NXPH2: variants seen among roughly 807,000 people sequenced by gnomAD.
NXPH2 encodes the protein neurexophilin-2.
NXPH2 carries 5 observed loss-of-function variants against 19.8 expected under a neutral mutation model. The ratio of observed to expected loss-of-function variants is 0.25; its 90% CI spans 0.13 to 0.53. The LOEUF (loss-of-function observed/expected upper bound fraction) is 0.53. Among genes scored for constraint, NXPH2 ranks in the 20% least tolerant of loss-of-function variants. The pLI is 0.96. For missense variants in NXPH2, 289 were observed against 322.8 expected (o/e 0.90, Z 0.80); for synonymous variants, 154 against 127.4 (o/e 1.21, Z -1.41).
intron 1 of NXPH2, among the ~76,000 whole-genome samples, chr2:138,700,189 T>C (rs1278398414): frequency 6.6e-6 from 1 of 152,202 alleles, no homozygotes; most frequent in Non-Finnish European, 1.5e-5. Context: ...TTATTATCCC[T>C]ACAGCGATGC....
At chr2:138,700,314 A>G (rs62163195) in intron 1 of NXPH2, among the ~76,000 whole-genome samples, 36,975 of 152,112 alleles carry the variant, frequency 0.24, 5,219 homozygotes, top group East Asian at 0.54. Context: ...ATTTAGCACT[A>G]TAAACATTTA....
At chr2:138,755,828 G>A (rs1023695135) in intron 1 of NXPH2, among the ~76,000 whole-genome samples, 1 of 151,862 alleles carries the variant, frequency 6.6e-6, no homozygotes. Context: ...CATTTATTTA[G>A]ATTTTTTTTT....
At chr2:138,719,327 A>T (rs946039084) in intron 1 of NXPH2, among the ~76,000 whole-genome samples, 3 of 152,176 alleles carry the variant, frequency 2.0e-5, no homozygotes, top group African/African-American at 7.2e-5. Context: ...GCATGTATAT[A>T]AGTAAATGCA....
chr2:138,723,278 A>T (rs1226883318), intron 1 of NXPH2, among the ~76,000 whole-genome samples: 3 of 152,228 alleles, frequency 2.0e-5, no homozygotes, highest in Non-Finnish European at 4.4e-5. Context: ...CAGAGGATTT[A>T]GTTCCAGGAG....
intron 1 of NXPH2, among the ~76,000 whole-genome samples, chr2:138,684,778 C>A (rs149714754): frequency 6.6e-6 from 1 of 152,196 alleles, no homozygotes; most frequent in Non-Finnish European, 1.5e-5. Flanking sequence ...CCCTCTTAGC[C>A]CAAGAGTCCC....
chr2:138,680,930 G>T (rs1413522049), intron 1 of NXPH2, among the ~76,000 whole-genome samples: 1 of 152,120 alleles, frequency 6.6e-6, no homozygotes, highest in East Asian at 1.9e-4. Flanking sequence ...CTAACTTGGT[G>T]ACTATTTTCA....
chr2:138,769,653 C>T (rs138789554), intron 1 of NXPH2, among the ~76,000 whole-genome samples: 130 of 152,292 alleles, frequency 8.5e-4, no homozygotes, highest in African/African-American at 3.0e-3. Flanking sequence ...CAATTCCCAC[C>T]ACCCAGCTTA....
chr2:138,707,107 A>AAAAAAAAAAAAAACAAAAAAAAAAC (rs1558918445), intron 1 of NXPH2, among the ~76,000 whole-genome samples: 4 of 146,536 alleles, frequency 2.7e-5, no homozygotes, highest in African/African-American at 1.0e-4. Context: ...AAAAAAAAAA[A>AAAAAAAAAAAAAACAAAAAAAAAAC]AAAAAGAGCA....
chr2:138,678,122 A>G (rs1048772636), intron 1 of NXPH2, among the ~76,000 whole-genome samples: 1 of 152,230 alleles, frequency 6.6e-6, no homozygotes. Flanking sequence ...CTTGGTTACA[A>G]GTTTCTCTGA....
At chr2:138,743,450 C>T (rs1030718756) in intron 1 of NXPH2, among the ~76,000 whole-genome samples, 1 of 152,082 alleles carries the variant, frequency 6.6e-6, no homozygotes, top group African/African-American at 2.4e-5. Context: ...TGTATGATTC[C>T]ATTTACATGA....
intron 1 of NXPH2, among the ~76,000 whole-genome samples, chr2:138,741,695 AGGTACTTAGTGGAT>A (rs1007797710): frequency 6.6e-6 from 1 of 152,204 alleles, no homozygotes; most frequent in Admixed American, 6.5e-5. Context: ...TGTGAAAGCA[AGGTACTTAGTGGAT>A]TACATACTTT....
chr2:138,698,193 T>C (rs1680857142), intron 1 of NXPH2, among the ~76,000 whole-genome samples: 3 of 152,286 alleles, frequency 2.0e-5, no homozygotes, highest in African/African-American at 7.2e-5. Context: ...TTTTAAGTGA[T>C]TTTAATACAT....
At chr2:138,778,320 G>A (rs1682297562) in intron 1 of NXPH2, among the ~76,000 whole-genome samples, 1 of 152,232 alleles carries the variant, frequency 6.6e-6, no homozygotes, top group African/African-American at 2.4e-5. Context: ...ATCCCAAAAT[G>A]GATTAGAATT....
chr2:138,771,946 AAAAG>A lies in NXPH2; in HGVS notation c.51+8241_51+8244del, dbSNP rs1451512858. ...ATACATATTTTCATTAAAAGAAAGA[AAAAG>A]AGAGCAAAAGCCATGTGCTACTAGT... On this transcript the variant is annotated intron_variant, in intron 1 of 1. Transcript: ENST00000272641. 1.3e-4 allele frequency among the ~76,000 whole-genome samples: 20 copies of A among 151,748 alleles called. 1 individual carries two copies. In the East Asian group the frequency reaches 3.9e-3, roughly 29 times the overall value.
At chr2:138,728,371 T>C (rs1478538469) in intron 1 of NXPH2, among the ~76,000 whole-genome samples, 7 of 152,240 alleles carry the variant, frequency 4.6e-5, no homozygotes, top group Non-Finnish European at 1.0e-4. Context: ...AGCCACTTAA[T>C]ATGTGGCTTT....
intron 1 of NXPH2, among the ~76,000 whole-genome samples, chr2:138,729,451 T>C (rs1318657045): frequency 1.3e-5 from 2 of 152,206 alleles, no homozygotes; most frequent in African/African-American, 2.4e-5. Context: ...GTGAGGCAAT[T>C]AAACCTCTTT....
intron 1 of NXPH2, among the ~76,000 whole-genome samples, chr2:138,745,498 G>A (rs74668936): frequency 6.0e-4 from 48 of 79,350 alleles, no homozygotes; most frequent in Middle Eastern, 0.017. Context: ...TTTGGCGGGG[G>A]GGGGGGGGTG....
chr2:138,778,662 G>T (rs1682303613), intron 1 of NXPH2, among the ~76,000 whole-genome samples: 1 of 152,102 alleles, frequency 6.6e-6, no homozygotes, highest in Non-Finnish European at 1.5e-5. Flanking sequence ...GATTTCCCCA[G>T]GCTTTTCCTT....
At chr2:138,749,265 T>C (rs1043404942) in intron 1 of NXPH2, among the ~76,000 whole-genome samples, 2 of 152,200 alleles carry the variant, frequency 1.3e-5, no homozygotes, top group Admixed American at 1.3e-4. Flanking sequence ...CCTTCCAACA[T>C]AATTGTAAGT....
Sources: gnomAD v4.1 joint callset for allele counts (sites outside exome capture counted in the v4.1 genomes callset) on GRCh38, gnomAD v4.1.1 for gene constraint, MANE v1.5 for transcripts, NCBI Gene and HGNC (gene_info 2026-07-23, HGNC 2026-07-21) for gene names.